Variants in TENM4 observed in about 807,000 individuals in gnomAD.
TENM4 encodes the protein teneurin transmembrane protein 4.
A neutral mutation model predicts 243.3 loss-of-function variants in TENM4; 82 were observed. The observed-to-expected ratio is 0.34, with a 90% confidence interval of 0.28 to 0.40. The LOEUF is 0.40. Ranked by LOEUF, TENM4 falls within the 10% of genes least tolerant of loss-of-function variation. TENM4 has a pLI of 1.00. For synonymous variants in TENM4, 1,412 were observed against 1,456.3 expected (o/e 0.97, Z 0.69); for missense variants, 3,138 against 3,673.3 (o/e 0.85, Z 3.77).
intron 1 of TENM4, among the ~76,000 whole-genome samples, chr11:79,322,001 A>C (rs1453553418): frequency 6.6e-6 from 1 of 152,186 alleles, no homozygotes; most frequent in Non-Finnish European, 1.5e-5. Context: ...ATGTGAGATC[A>C]GTTTCATGTG....
At chr11:79,214,137 A>G (rs1468648973) in intron 3 of TENM4, among the ~76,000 whole-genome samples, 1 of 151,996 alleles carries the variant, frequency 6.6e-6, no homozygotes, top group African/African-American at 2.4e-5. Context: ...GACTACAGGT[A>G]CCTGCCACCA....
chr11:78,942,108 TAAAAAAAAA>T (rs34713120), intron 6 of TENM4, among the ~76,000 whole-genome samples: 1 of 119,046 alleles, frequency 8.4e-6, no homozygotes, highest in Non-Finnish European at 1.8e-5. Flanking sequence ...GCTGATGAGC[TAAAAAAAAA>T]AAAAAAAAAT....
chr11:79,431,886 A>T (rs1859175669), intron 1 of TENM4, among the ~76,000 whole-genome samples: 1 of 152,112 alleles, frequency 6.6e-6, no homozygotes. Flanking sequence ...GAAATTTTAC[A>T]TTGGAGTTCA....
In TENM4 at chr11:78,653,396, T is replaced by C. The variant is rs1040154015; in HGVS notation, c.*4662A>G. On this transcript the variant is annotated 3_prime_UTR_variant, in exon 34 of 34. Coordinates refer to ENST00000278550, the MANE Select transcript of TENM4 (RefSeq NM_001098816.3). Reference sequence around the variant, plus strand: ...TCTACATCTGCATTTATTTACAGCCTTGTTGGTATTTACACAGTCAAGATA... The same window carrying C: ...TCTACATCTGCATTTATTTACAGCCCTGTTGGTATTTACACAGTCAAGATA... The C allele has an allele frequency of 2.0e-5, 3 of 152,192 alleles. No individual in the cohort carries two copies. Among genetic ancestry groups the C allele is most frequent in the African/African-American group, 7.2e-5 (3 of 41,450 alleles). 9.4% of individuals were successfully genotyped at this position (152,192 alleles called of 1,614,324 possible).
At position 79,376,503 on chromosome 11, in the gene TENM4, C is replaced by T. The variant is rs76246225; in HGVS notation, c.-321+64006G>A. On this transcript the variant is annotated intron_variant, in intron 1 of 33. Coordinates refer to ENST00000278550, the MANE Select transcript of TENM4 (RefSeq NM_001098816.3). ...TTAAGCCTGGCCTGCTACTGGAAGA[C>T]TTCCCTTCTTGATAGCACATTTCTC... 2.3e-3 allele frequency among the ~76,000 whole-genome samples: 350 copies of T among 152,366 alleles called. 6 individuals carry two copies. The highest frequency in any genetic ancestry group is 0.018 in the South Asian group (85 of 4,822).
At chr11:78,879,964 G>A (rs1397521212) in intron 9 of TENM4, among the ~76,000 whole-genome samples, 4 of 152,142 alleles carry the variant, frequency 2.6e-5, no homozygotes, top group African/African-American at 7.2e-5. Flanking sequence ...AAGAGACAGC[G>A]ACCATCGAGA....
At chr11:79,368,551 T>G (rs1223180855) in intron 1 of TENM4, among the ~76,000 whole-genome samples, 1 of 152,226 alleles carries the variant, frequency 6.6e-6, no homozygotes, top group Non-Finnish European at 1.5e-5. Context: ...AGTCTTGCTT[T>G]CCAACTTCCA....
chr11:78,996,218 A>G (rs146033472), intron 6 of TENM4, among the ~76,000 whole-genome samples: 1 of 152,304 alleles, frequency 6.6e-6, no homozygotes, highest in East Asian at 1.9e-4. Context: ...AATGCAGCAG[A>G]TGCTAGCTCT....
At chr11:78,676,104 C>T (rs1318615918) in intron 30 of TENM4, 48 bp downstream of exon 30, 4 of 1,422,844 alleles carry the variant, frequency 2.8e-6, no homozygotes, top group Non-Finnish European at 3.7e-6. Flanking sequence ...TCTCCCGTTC[C>T]CCATTCTTTC....
chr11:78,986,954 T>A (rs934584947), intron 6 of TENM4, among the ~76,000 whole-genome samples: 4 of 152,214 alleles, frequency 2.6e-5, no homozygotes, highest in Non-Finnish European at 5.9e-5. Context: ...AAGATAATTA[T>A]ATTCCCTTAT....
intron 18 of TENM4, among the ~76,000 whole-genome samples, chr11:78,767,174 C>T (rs1198228572): frequency 6.6e-6 from 1 of 152,198 alleles, no homozygotes; most frequent in Non-Finnish European, 1.5e-5. Context: ...GTGAGAAGCT[C>T]TAATGTCGCC....
intron 4 of TENM4, among the ~76,000 whole-genome samples, chr11:79,128,445 C>T (rs1253213213): frequency 6.6e-6 from 1 of 152,192 alleles, no homozygotes; most frequent in Non-Finnish European, 1.5e-5. Context: ...TGAGCAGGTC[C>T]TGAAGGCACA....
intron 26 of TENM4, 139 bp downstream of exon 26, chr11:78,712,343 A>T: frequency 1.4e-6 from 1 of 703,450 alleles, no homozygotes; most frequent in Non-Finnish European, 2.4e-6. Flanking sequence ...GGCAGGTGGA[A>T]TTATCACAGT....
chr11:79,113,156 T>C (rs542090553), intron 4 of TENM4, among the ~76,000 whole-genome samples: 1 of 152,126 alleles, frequency 6.6e-6, no homozygotes, highest in African/African-American at 2.4e-5. Context: ...TATCATCCCT[T>C]CAAGTGAGAA....
chr11:79,338,730 G>C (rs185478370), intron 1 of TENM4, among the ~76,000 whole-genome samples: 1 of 152,212 alleles, frequency 6.6e-6, no homozygotes, highest in Non-Finnish European at 1.5e-5. Flanking sequence ...TGAGCCAGTC[G>C]CTTGATATTC....
chr11:79,386,456 C>A (rs192910984), intron 1 of TENM4, among the ~76,000 whole-genome samples: 103 of 152,038 alleles, frequency 6.8e-4, no homozygotes, highest in Admixed American at 6.3e-3. Context: ...CCAAATGACA[C>A]CACTGAGATA....
chr11:78,658,887 C>G, intron 33 of TENM4, 71 bp from the exon 34 acceptor site: 1 of 1,515,320 alleles, frequency 6.6e-7, no homozygotes, highest in Non-Finnish European at 8.9e-7. Context: ...GGAGAATCAG[C>G]TTAAATAATG....
At chr11:79,181,647 T>A (rs1290178638) in intron 3 of TENM4, among the ~76,000 whole-genome samples, 5 of 149,996 alleles carry the variant, frequency 3.3e-5, no homozygotes, top group Admixed American at 6.7e-5. Flanking sequence ...AAGAAAGAAA[T>A]AAAACTTTGT....
intron 18 of TENM4, among the ~76,000 whole-genome samples, chr11:78,766,836 G>A (rs1478126526): frequency 6.6e-6 from 1 of 151,506 alleles, no homozygotes; most frequent in Non-Finnish European, 1.5e-5. Flanking sequence ...CTAGGTAGCT[G>A]GGATTACAGG....
Sources: gnomAD v4.1 joint callset for allele counts (sites outside exome capture counted in the v4.1 genomes callset) on GRCh38, gnomAD v4.1.1 for gene constraint, MANE v1.5 for transcripts, NCBI Gene and HGNC (gene_info 2026-07-23, HGNC 2026-07-21) for gene names.